Variants in CUZD1 observed in about 807,000 individuals in gnomAD.
CUZD1 encodes the protein CUB and zona pellucida-like domain-containing protein 1.
A neutral mutation model predicts 53.1 loss-of-function variants in CUZD1; 42 were observed. The observed-to-expected ratio is 0.79, with a 90% confidence interval of 0.62 to 1.02. The LOEUF (loss-of-function observed/expected upper bound fraction) is 1.02, where lower values mean the gene tolerates loss of function less well. Among genes scored for constraint, CUZD1 ranks in the 50% least tolerant of loss-of-function variants. The pLI, the probability that CUZD1 is intolerant of heterozygous loss-of-function variation, is 0.00. For synonymous variants in CUZD1, 238 were observed against 257.2 expected, an observed-to-expected ratio of 0.93 and a Z score of 0.71; for missense variants, 670 against 715.7, an observed-to-expected ratio of 0.94 and a Z score of 0.73.
In CUZD1 at chr10:122,833,781, T is replaced by A. The variant is rs770986923; in HGVS notation, c.1542A>T (p.Gln514His). 5.6e-6 allele frequency: 9 copies of A among 1,614,084 alleles called. No homozygotes were observed. In the South Asian group the frequency reaches 8.8e-5, roughly 16 times the overall value. Residue 514 changes from glutamine to histidine, a missense_variant, in exon 8 of 9, where the codon CAA (glutamine) becomes CAT (histidine). Physicochemically the swap from Gln to His is conservative, Grantham distance 24 (BLOSUM62 0). Transcript: ENST00000392790. The part of the protein sequence containing the change: ...DSSDHQSRCN[Q>H]GCVSRSKRDI... ...CTCGTTTGCTTCTGGAGACACAACCTTGATTGCAGCGAGACTGGTGGTCAC... is the reference window on the plus strand; with the variant it reads ...CTCGTTTGCTTCTGGAGACACAACCATGATTGCAGCGAGACTGGTGGTCAC...
At chr10:122,837,654 G>T in intron 3 of CUZD1, 100 bp from the exon 4 acceptor site, 4 of 1,153,348 alleles carry the variant, frequency 3.5e-6, no homozygotes, top group East Asian at 2.6e-5. Context: ...TCCTGAGTAT[G>T]ATTCCATCTC....
rs1201037910 is a variant in CUZD1, at chr10:122,832,353, A to C, written c.1749T>G (p.Thr583=). ...AATGCCTCACTGTGATTGTCGCTAC[A>C]GTCACCACATTCAGAGCTAGAACCA... ...SFMVLALNVV[T]VATITVRHFV... is the part of the protein sequence containing the mutation. The change falls in exon 9 of 9, where the codon ACT becomes ACG. Residue 583 remains threonine, a synonymous_variant. Transcript: ENST00000392790. 1 of 1,614,008 alleles carries C rather than the reference A, an allele frequency of 6.2e-7. No homozygotes were observed.
chr10:122,845,686 T>G (rs187893580), intron 1 of CUZD1, 76 bp downstream of exon 1: 1 of 1,285,940 alleles, frequency 7.8e-7, no homozygotes, highest in African/African-American at 1.5e-5. Context: ...ATAAACACTT[T>G]GAAAAATTTT....
chr10:122,834,926 T>C lies in CUZD1; in HGVS notation c.1162A>G (p.Asn388Asp). 6.2e-7 allele frequency: 1 copy of C among 1,613,668 alleles called. No homozygotes were observed. The highest frequency in any genetic ancestry group is 1.1e-5 in the South Asian group (1 of 91,020). ...ITEDDVIQSQ[N>D]ALGKYNTSMA... ...CTGGTGTTATATTTGCCCAGTGCAT[T>C]TTGACTTTGTATTACATCATCTTCT... Residue 388 changes from asparagine (N) to aspartate (D), a missense_variant, in exon 7 of 9, where the codon AAT becomes GAT. Coordinates refer to ENST00000392790, the MANE Select transcript of CUZD1 (RefSeq NM_022034.6).
chr10:122,845,416 T>C (rs561335828), intron 1 of CUZD1, among the ~76,000 whole-genome samples: 1 of 152,212 alleles, frequency 6.6e-6, no homozygotes, highest in Non-Finnish European at 1.5e-5. Context: ...TTCCATTTTA[T>C]GGATTTACCG....
rs1220294212 is a variant in CUZD1 at position 122,833,843 on chromosome 10, C to T, written c.1480G>A (p.Val494Met). ...AFKFLRSMSS[V>M]YLQCKVLICD... ...ATCAAAACTTTACACTGCAGATACA[C>T]AGAGCTCATACTTCTCAAGAATTTA... The change falls in exon 8 of 9, where the codon GTG becomes ATG. Residue 494 changes from valine to methionine, a missense_variant. Transcript: ENST00000392790. The T allele has an allele frequency of 6.2e-7, 1 of 1,614,058 alleles. No homozygotes were observed. The highest frequency in any genetic ancestry group is 1.3e-5 in the African/African-American group (1 of 75,034).
rs757078432 is a variant in CUZD1 at position 122,839,190 on chromosome 10, A to C, written c.275T>G (p.Val92Gly). 3.7e-6 allele frequency: 6 copies of C among 1,613,940 alleles called. No homozygotes were observed. The Admixed American group carries it at 8.3e-5, about 22-fold the overall frequency. ...CCCATTGCTGGAGGTTCCGTCAAAGACTTTAATGTTTTCACTTTCACAGCT... is the reference window on the plus strand; with the variant it reads ...CCCATTGCTGGAGGTTCCGTCAAAGCCTTTAATGTTTTCACTTTCACAGCT... ...DGSCESENIK[V>G]FDGTSSNGPL... Residue 92 changes from valine (V) to glycine (G), a missense_variant, in exon 3 of 9, where the codon GTC (valine) becomes GGC (glycine). Coordinates refer to ENST00000392790, the MANE Select transcript of CUZD1 (RefSeq NM_022034.6).
intron 5 of CUZD1, 142 bp downstream of exon 5, chr10:122,836,689 G>T: frequency 3.1e-6 from 2 of 654,562 alleles, no homozygotes; most frequent in Non-Finnish European, 2.6e-6. Flanking sequence ...TGATTGTCAA[G>T]CTTAAGATTA....
intron 6 of CUZD1, among the ~76,000 whole-genome samples, chr10:122,835,353 A>C (rs1847232778): frequency 6.6e-6 from 1 of 152,182 alleles, no homozygotes; most frequent in Non-Finnish European, 1.5e-5. Flanking sequence ...GTTACAGTAA[A>C]ATCCATTTTG....
At chr10:122,839,619 CTCT>C (rs1175224366) in intron 2 of CUZD1, among the ~76,000 whole-genome samples, 4 of 152,184 alleles carry the variant, frequency 2.6e-5, no homozygotes, top group Non-Finnish European at 5.9e-5. Flanking sequence ...GGTGAAGCAA[CTCT>C]TCTTCTTCCA....
At position 122,834,403 on chromosome 10, in the gene CUZD1, C is replaced by T. The variant is rs373828196; in HGVS notation, c.1382+303G>A. Among the ~76,000 whole-genome samples the T allele has an allele frequency of 2.0e-3, 297 of 152,102 alleles. 11 individuals carry two copies. In the South Asian group the frequency reaches 0.058, roughly 30 times the overall value. On this transcript the variant is annotated intron_variant, in intron 7 of 8. Transcript: ENST00000392790. ...AGATTTTTGTTGAAAATAACCAAAACGTACAAAAACCAAAACGCAAATAGA... is the reference window on the plus strand; with the variant it reads ...AGATTTTTGTTGAAAATAACCAAAATGTACAAAAACCAAAACGCAAATAGA...
chr10:122,841,556 G>A (rs578011402), intron 1 of CUZD1, among the ~76,000 whole-genome samples: 2 of 152,308 alleles, frequency 1.3e-5, no homozygotes, highest in African/African-American at 2.4e-5. Flanking sequence ...ATTAGGACCC[G>A]AAGAAGGATG....
intron 3 of CUZD1, chr10:122,838,088 T>C (rs992669356): frequency 6.5e-6 from 1 of 153,150 alleles, no homozygotes; most frequent in African/African-American, 2.4e-5. Flanking sequence ...GTCTCTCCTT[T>C]CCCCAGTAAG....
intron 6 of CUZD1, 144 bp downstream of exon 6, chr10:122,836,034 T>C (rs556187109): frequency 6.3e-6 from 4 of 632,344 alleles, no homozygotes; most frequent in South Asian, 4.8e-5. Flanking sequence ...TGTGCACTTA[T>C]ATGTCTTCAC....
At chr10:122,835,749 C>T (rs1847239484) in intron 6 of CUZD1, among the ~76,000 whole-genome samples, 1 of 151,988 alleles carries the variant, frequency 6.6e-6, no homozygotes, top group Non-Finnish European at 1.5e-5. Flanking sequence ...CCAGTAATAT[C>T]CTTCATGTTT....
At chr10:122,836,391 G>T in intron 5 of CUZD1, 41 bp from the exon 6 acceptor site, 6 of 1,478,596 alleles carry the variant, frequency 4.1e-6, no homozygotes, top group Non-Finnish European at 5.4e-6. Context: ...TCATGTTTAT[G>T]CCAGCTAGGA....
rs1847300734 is a variant in CUZD1 at position 122,839,339 on chromosome 10, C to G, written c.234-108G>C. 7 of 937,824 alleles carry G rather than the reference C, an allele frequency of 7.5e-6. No homozygotes were observed. The South Asian group carries it at 7.7e-5, about 10-fold the overall frequency. 58.1% of individuals were successfully genotyped at this position (937,824 alleles called of 1,614,324 possible). ...GTAAATTTACAAAGTGGTGGCACAT[C>G]TGTTTTCATTTAAACCTCTCCAAGA... On this transcript the variant is annotated intron_variant, in intron 2 of 8. Coordinates refer to ENST00000392790, the MANE Select transcript of CUZD1 (RefSeq NM_022034.6).
intron 1 of CUZD1, among the ~76,000 whole-genome samples, chr10:122,842,697 GA>G (rs938591599): frequency 2.0e-5 from 3 of 151,828 alleles, no homozygotes; most frequent in African/African-American, 7.3e-5. Context: ...ATCAACCTGG[GA>G]AAAAAAGGAT....
chr10:122,841,538 G>C (rs1847346218), intron 1 of CUZD1, among the ~76,000 whole-genome samples: 1 of 152,176 alleles, frequency 6.6e-6, no homozygotes, highest in Non-Finnish European at 1.5e-5. Context: ...TCTACATATA[G>C]AGACTATATT....
Sources: allele counts gnomAD v4.1 joint callset (sites outside exome capture counted in the v4.1 genomes callset), GRCh38; gene constraint gnomAD v4.1.1; transcripts MANE v1.5; gene names NCBI Gene and HGNC (gene_info 2026-07-23, HGNC 2026-07-21).